The following RYR3 variants were observed in gnomAD, a reference collection of about 807,000 sequenced individuals.
RYR3 encodes the protein ryanodine receptor 3.
Under a neutral mutation model 584.3 loss-of-function variants are expected in RYR3, and 207 were observed. That is an observed-to-expected ratio of 0.35 (90% CI 0.32 to 0.40). RYR3 has a LOEUF of 0.40. Among genes scored for constraint, RYR3 ranks in the 10% least tolerant of loss-of-function variants. The pLI is 1.00. For synonymous variants in RYR3, 2,416 were observed against 2,248.5 expected (o/e 1.07, Z -2.11); for missense variants, 5,616 against 6,089.2 (o/e 0.92, Z 2.59).
At chr15:33,844,165 C>G (rs1186587406) in intron 92 of RYR3, among the ~76,000 whole-genome samples, 1 of 152,160 alleles carries the variant, frequency 6.6e-6, no homozygotes, top group Non-Finnish European at 1.5e-5. Context: ...CTTAAAACCA[C>G]CAATCTAATT....
At chr15:33,745,289 T>G (rs995162181) in intron 52 of RYR3, among the ~76,000 whole-genome samples, 1 of 150,320 alleles carries the variant, frequency 6.7e-6, no homozygotes, top group Non-Finnish European at 1.5e-5. Flanking sequence ...GGTTTGAAAC[T>G]AGGAGGGAGT....
At chr15:33,738,395 C>G in intron 49 of RYR3, 55 bp from the exon 50 acceptor site, 1 of 1,545,270 alleles carries the variant, frequency 6.5e-7, no homozygotes, top group South Asian at 1.2e-5. Context: ...GTTTTTGATG[C>G]CTGTGGACTT....
At chr15:33,525,156 T>C (rs1244203455) in intron 3 of RYR3, among the ~76,000 whole-genome samples, 1 of 152,224 alleles carries the variant, frequency 6.6e-6, no homozygotes, top group Non-Finnish European at 1.5e-5. Context: ...ACTGAAAGCT[T>C]TTCTCATTTG....
intron 1 of RYR3, among the ~76,000 whole-genome samples, chr15:33,315,969 C>T (rs1241451430): frequency 1.3e-5 from 2 of 152,126 alleles, no homozygotes; most frequent in Admixed American, 1.3e-4. Context: ...TGTCTGACAT[C>T]TGTGCATGTT....
At chr15:33,710,820 A>G (rs2088141) in intron 43 of RYR3, among the ~76,000 whole-genome samples, 30,523 of 152,216 alleles carry the variant, frequency 0.2, 3,191 homozygotes, top group Middle Eastern at 0.27. Context: ...AGCTGGGCCC[A>G]TTTGAGCCAC....
chr15:33,332,590 A>T (rs1331173535), intron 1 of RYR3, among the ~76,000 whole-genome samples: 1 of 152,138 alleles, frequency 6.6e-6, no homozygotes, highest in Non-Finnish European at 1.5e-5. Context: ...GTATCATATA[A>T]ATCTTATTCT....
intron 62 of RYR3, among the ~76,000 whole-genome samples, chr15:33,771,090 G>A (rs1361948705): frequency 6.6e-6 from 1 of 151,748 alleles, no homozygotes; most frequent in Non-Finnish European, 1.5e-5. Flanking sequence ...CTTTAAAACG[G>A]CTAGTTGTCT....
chr15:33,794,318 T>TAAACAGATATAAAA (rs1345619753), intron 67 of RYR3, among the ~76,000 whole-genome samples: 1 of 93,640 alleles, frequency 1.1e-5, no homozygotes, highest in Non-Finnish European at 2.4e-5. Flanking sequence ...TTTATATATA[T>TAAACAGATATAAAA]ATATTTTTAT....
intron 38 of RYR3, among the ~76,000 whole-genome samples, chr15:33,671,148 A>AC (rs1237488588): frequency 6.6e-6 from 1 of 152,094 alleles, no homozygotes; most frequent in Non-Finnish European, 1.5e-5. Context: ...TACCGTTTTG[A>AC]CCCATGATGA....
At chr15:33,413,704 G>C (rs2676018) in intron 1 of RYR3, among the ~76,000 whole-genome samples, 28,961 of 152,166 alleles carry the variant, frequency 0.19, 5,150 homozygotes, top group African/African-American at 0.47. Context: ...TGTGCAGCAG[G>C]CCTGTGGTCC....
chr15:33,864,763 TC>T (rs1889878511), intron 103 of RYR3: 1 of 201,948 alleles, frequency 5.0e-6, no homozygotes, highest in South Asian at 1.3e-4. Flanking sequence ...GTACCTGGTT[TC>T]CAGCTCTGGA....
In RYR3 at chr15:33,670,092, G is replaced by A. The variant is rs77800165; in HGVS notation, c.5723-327G>A. Among the ~76,000 whole-genome samples the A allele has an allele frequency of 4.0e-3, 605 of 152,188 alleles. 1 individual carries two copies. The highest frequency in any genetic ancestry group is 0.014 in the African/African-American group (566 of 41,514). ...CTTCTTCTACAGATTCTAGGGCCAC[G>A]TCCCCCAAACATTCTTCCAGAGGTT... On this transcript the variant is annotated intron_variant, in intron 37 of 103. Coordinates refer to ENST00000634891, the MANE Select transcript of RYR3 (RefSeq NM_001036.6).
At position 33,580,122 on chromosome 15, in the gene RYR3, G is replaced by A; in HGVS notation, c.1415G>A (p.Arg472Lys). ...KQNKLRSLKN[R>K]QNLFKEEGML... ...AACAAGCTCCGCTCACTCAAAAACA[G>A]ACAAAATCTTTTCAAGGAAGAGGTA... Residue 472 changes from arginine to lysine, a missense_variant, in exon 13 of 104, where the codon AGA (arginine) becomes AAA (lysine). Arg to Lys is a conservative substitution (Grantham distance 26). Coordinates refer to ENST00000634891, the MANE Select transcript of RYR3 (RefSeq NM_001036.6). 2 of 1,608,750 alleles carry A rather than the reference G, an allele frequency of 1.2e-6. No homozygotes were observed. The highest frequency in any genetic ancestry group is 1.7e-6 in the Non-Finnish European group (2 of 1,177,666).
At chr15:33,324,168 G>A (rs1272667534) in intron 1 of RYR3, among the ~76,000 whole-genome samples, 1 of 151,610 alleles carries the variant, frequency 6.6e-6, no homozygotes, top group African/African-American at 2.4e-5. Flanking sequence ...GTCTGGGGGT[G>A]GGAGGAGTGA....
chr15:33,753,717 C>T (rs988389636), intron 57 of RYR3, among the ~76,000 whole-genome samples: 3 of 152,092 alleles, frequency 2.0e-5, no homozygotes, highest in African/African-American at 7.2e-5. Flanking sequence ...GACTTATTTG[C>T]CGTGTTGTCG....
intron 1 of RYR3, among the ~76,000 whole-genome samples, chr15:33,373,301 G>A (rs552907223): frequency 5.3e-5 from 8 of 152,006 alleles, no homozygotes; most frequent in South Asian, 2.1e-4. Context: ...CTATATAAAC[G>A]CCAGAAGAGA....
chr15:33,740,814 G>C (rs1222099537), intron 51 of RYR3, among the ~76,000 whole-genome samples: 1 of 152,214 alleles, frequency 6.6e-6, no homozygotes, highest in Non-Finnish European at 1.5e-5. Flanking sequence ...TTCCCAGGGG[G>C]ACTGTCTGCT....
chr15:33,738,684 C>A, intron 50 of RYR3, 94 bp downstream of exon 50: 1 of 1,423,538 alleles, frequency 7.0e-7, no homozygotes, highest in Non-Finnish European at 9.8e-7. Context: ...ATTCCATTTG[C>A]CAGGACCTGT....
At chr15:33,855,895 T>G (rs1280385631) in intron 98 of RYR3, 2 of 152,192 alleles carry the variant, frequency 1.3e-5, no homozygotes, top group Non-Finnish European at 2.9e-5. Context: ...TTCAAACTGT[T>G]TAGCATTTCA....
Sources: gnomAD v4.1 joint callset for allele counts (sites outside exome capture counted in the v4.1 genomes callset) on GRCh38, gnomAD v4.1.1 for gene constraint, MANE v1.5 for transcripts, NCBI Gene and HGNC (gene_info 2026-07-23, HGNC 2026-07-21) for gene names.